FGD5: variants seen among roughly 807,000 people sequenced by gnomAD.
The protein encoded by FGD5 is FYVE, RhoGEF and PH domain-containing protein 5.
FGD5 carries 28 observed loss-of-function variants against 133.4 expected under a neutral mutation model. The ratio of observed to expected loss-of-function variants is 0.21; its 90% CI spans 0.16 to 0.29. The LOEUF (loss-of-function observed/expected upper bound fraction) is 0.29. FGD5 is among the 10% of genes least tolerant of loss of function. The pLI is 1.00. For missense variants in FGD5, 1,858 were observed against 1,895.2 expected, an observed-to-expected ratio of 0.98 and a Z score of 0.36; for synonymous variants, 810 against 776.5, an observed-to-expected ratio of 1.04 and a Z score of -0.72.
In FGD5 at chr3:14,917,361, G is replaced by A; in HGVS notation, c.3489+29G>A. The A allele has an allele frequency of 1.3e-6, 2 of 1,598,136 alleles. No homozygotes were observed. The highest frequency in any genetic ancestry group is 1.7e-6 in the Non-Finnish European group (2 of 1,171,390). On this transcript the variant is annotated intron_variant, in intron 12 of 19. Coordinates refer to ENST00000285046, the MANE Select transcript of FGD5 (RefSeq NM_152536.4). This position sits in a 1 kb window ranked among gnomAD's most constrained non-coding sequence, Gnocchi z 4.1. The stretch of plus-strand genomic sequence containing the variant: ...AATATCTGGTGCCAGGTACCCCCGG[G>A]TTGGGGGACAGGGAGACCCCAGGGG...
intron 4 of FGD5, among the ~76,000 whole-genome samples, chr3:14,893,463 T>A (rs2038069454): frequency 6.6e-6 from 1 of 152,176 alleles, no homozygotes; most frequent in Non-Finnish European, 1.5e-5. Context: ...GCAATCTTCC[T>A]GCTTCAGCAA....
intron 2 of FGD5, among the ~76,000 whole-genome samples, chr3:14,866,598 T>A (rs74437150): frequency 0.093 from 14,185 of 152,042 alleles, 831 homozygotes; most frequent in East Asian, 0.3. Context: ...ATCTGTAAGG[T>A]TGGGATAGTA....
chr3:14,904,542 C>T (rs2038303514), intron 9 of FGD5, among the ~76,000 whole-genome samples: 1 of 151,944 alleles, frequency 6.6e-6, no homozygotes, highest in Admixed American at 6.6e-5. Context: ...AACTTCCTTA[C>T]TTTCTGGCAG....
chr3:14,844,219 TATATATATATATATA>T (rs2036993086), intron 1 of FGD5, among the ~76,000 whole-genome samples: 2 of 12,418 alleles, frequency 1.6e-4, no homozygotes, highest in African/African-American at 6.7e-4. Flanking sequence ...AAAAAAAAAA[TATATATATATATATA>T]TATATATATA....
chr3:14,882,662 C>T (rs1201251256), intron 4 of FGD5, among the ~76,000 whole-genome samples: 2 of 150,006 alleles, frequency 1.3e-5, no homozygotes, highest in East Asian at 2.0e-4. Flanking sequence ...CGTGCCACTG[C>T]ACTCCAGCCT....
chr3:14,871,264 G>A (rs2037601121), intron 2 of FGD5, among the ~76,000 whole-genome samples: 1 of 152,210 alleles, frequency 6.6e-6, no homozygotes, highest in African/African-American at 2.4e-5. Context: ...TGTTTATCCT[G>A]TTCATGGGTG....
chr3:14,813,496 C>T (rs1369762933), intron 1 of FGD5, among the ~76,000 whole-genome samples: 1 of 152,228 alleles, frequency 6.6e-6, no homozygotes, highest in Non-Finnish European at 1.5e-5. Flanking sequence ...AAGATAATTA[C>T]TCTTGTAACA....
At chr3:14,830,064 G>C (rs145168339) in intron 1 of FGD5, among the ~76,000 whole-genome samples, 1 of 152,162 alleles carries the variant, frequency 6.6e-6, no homozygotes, top group African/African-American at 2.4e-5. Flanking sequence ...TGAGAGCCGC[G>C]TGGCTGGATT....
chr3:14,829,087 C>T (rs1352511232), intron 1 of FGD5, among the ~76,000 whole-genome samples: 1 of 152,070 alleles, frequency 6.6e-6, no homozygotes, highest in Non-Finnish European at 1.5e-5. Context: ...AGCCACTGCG[C>T]CCGGCCAAGG....
In FGD5 at chr3:14,923,066, G is replaced by T; in HGVS notation, c.3828G>T (p.Ser1276=). ...TGCAGATCGTGTGCCGGAACTGTTC[G>T]CGGAACAAGTACCCGCTGAAGTACC... ...ACGKIVCRNC[S]RNKYPLKYLK... The change falls in exon 16 of 20, where the codon TCG becomes TCT. Residue 1276 remains serine (S), a synonymous_variant. Transcript: ENST00000285046. The T allele has an allele frequency of 6.2e-7, 1 of 1,613,846 alleles. No homozygotes were observed. Among genetic ancestry groups the T allele is most frequent in the South Asian group, 1.1e-5 (1 of 91,074 alleles).
chr3:14,884,830 A>G (rs1197466139), intron 4 of FGD5, among the ~76,000 whole-genome samples: 1 of 152,150 alleles, frequency 6.6e-6, no homozygotes, highest in Non-Finnish European at 1.5e-5. Context: ...AGGCTATATG[A>G]TCAAACAGCA....
chr3:14,894,776 G>C (rs1192270042), intron 4 of FGD5, among the ~76,000 whole-genome samples: 2 of 148,854 alleles, frequency 1.3e-5, no homozygotes, highest in African/African-American at 5.0e-5. Context: ...TATTTTTAGT[G>C]TTTTAGGAAC....
rs2038214137 is a variant in FGD5, at chr3:14,900,329, G to A, written c.3155-74G>A. 3.4e-6 allele frequency: 5 copies of A among 1,455,922 alleles called. No individual in the cohort carries two copies. In the Admixed American group the frequency reaches 7.3e-5, roughly 21 times the overall value. 90.2% of individuals were successfully genotyped at this position (1,455,922 alleles called of 1,614,324 possible). On this transcript the variant is annotated intron_variant, in intron 7 of 19. Coordinates refer to ENST00000285046, the MANE Select transcript of FGD5 (RefSeq NM_152536.4). ...CATTCTTCCAACTCTGGCAAGAGAGGGGGTGGCCACAGTTGTGGGCAGGAG... is the reference window on the plus strand; with the variant it reads ...CATTCTTCCAACTCTGGCAAGAGAGAGGGTGGCCACAGTTGTGGGCAGGAG...
At chr3:14,848,391 G>A (rs778543741) in intron 1 of FGD5, among the ~76,000 whole-genome samples, 2 of 16,892 alleles carry the variant, frequency 1.2e-4, no homozygotes, top group Non-Finnish European at 2.2e-4. Flanking sequence ...CCTTCCCCCT[G>A]GCCCTCACTG....
chr3:14,892,863 G>A (rs1269585909), intron 4 of FGD5, among the ~76,000 whole-genome samples: 6 of 152,058 alleles, frequency 3.9e-5, no homozygotes, highest in Admixed American at 3.9e-4. Flanking sequence ...CTGTCTAGTA[G>A]CGGGGTGAAA....
intron 13 of FGD5, among the ~76,000 whole-genome samples, chr3:14,919,739 G>T (rs2038638398): frequency 6.6e-6 from 1 of 152,222 alleles, no homozygotes; most frequent in African/African-American, 2.4e-5. Context: ...TTCGGTGTCT[G>T]GTGAGGTTCT....
At chr3:14,832,575 C>G (rs547476892) in intron 1 of FGD5, among the ~76,000 whole-genome samples, 9 of 152,178 alleles carry the variant, frequency 5.9e-5, no homozygotes, top group African/African-American at 1.7e-4. Flanking sequence ...GCATAGTTAT[C>G]CAGTTTTATT....
intron 1 of FGD5, among the ~76,000 whole-genome samples, chr3:14,837,455 C>T (rs1237189325): frequency 4.6e-5 from 7 of 152,172 alleles, no homozygotes; most frequent in South Asian, 2.1e-4. Flanking sequence ...TTAGAGCTAA[C>T]GGTTGCGGGG....
intron 4 of FGD5, among the ~76,000 whole-genome samples, chr3:14,881,403 A>G (rs1298136082): frequency 6.6e-6 from 1 of 152,192 alleles, no homozygotes; most frequent in Non-Finnish European, 1.5e-5. Context: ...CTGCATAACA[A>G]GAACTGGAGA....
Sources: gnomAD v4.1 joint callset for allele counts (sites outside exome capture counted in the v4.1 genomes callset) on GRCh38, gnomAD v4.1.1 for gene constraint, Gnocchi (gnomAD v3.1) non-coding constraint, MANE v1.5 for transcripts, NCBI Gene and HGNC (gene_info 2026-07-23, HGNC 2026-07-21) for gene names.